Variants in DPP10 observed in about 807,000 individuals in gnomAD.
DPP10 encodes dipeptidyl peptidase like 10, also known as inactive dipeptidyl peptidase 10.
DPP10 carries 33 observed loss-of-function variants against 120.9 expected under a neutral mutation model. That is an observed-to-expected ratio of 0.27 (90% confidence interval 0.21 to 0.37). DPP10 has a LOEUF of 0.37. Ranked by LOEUF, DPP10 falls within the 10% of genes least tolerant of loss-of-function variation. The pLI is 1.00. For missense variants in DPP10, 816 were observed against 942.8 expected (o/e 0.87, Z 1.76); for synonymous variants, 337 against 326.1 (o/e 1.03, Z -0.36).
chr2:114,570,590 C>A (rs1483418410), intron 1 of DPP10, among the ~76,000 whole-genome samples: 9 of 151,816 alleles, frequency 5.9e-5, no homozygotes, highest in Admixed American at 5.9e-4. Flanking sequence ...TGTTGGGAGG[C>A]CAAGGCAGGT....
At position 114,913,854 on chromosome 2, in the gene DPP10, C is replaced by T. The variant is rs755985640; in HGVS notation, c.61-395385C>T. On this transcript the variant is annotated intron_variant, in intron 1 of 25. Transcript: ENST00000410059. ...TGACACAAGCAACACAAGAGCTGAA[C>T]GATGAAATAGCCATTTTAAGAAAGA... 5.3e-5 allele frequency among the ~76,000 whole-genome samples: 8 copies of T among 152,076 alleles called. No individual in the cohort carries two copies. The East Asian group carries it at 5.8e-4, about 11-fold the overall frequency.
rs180994648 is a variant in DPP10 at position 115,014,964 on chromosome 2, C to G, written c.61-294275C>G. On this transcript the variant is annotated intron_variant, in intron 1 of 25. Coordinates refer to ENST00000410059, the MANE Select transcript of DPP10 (RefSeq NM_020868.6). ...CCATTCTTTCTGAAACTCTTCCAAT[C>G]AATAGAAAAAGAGGGAATCGGCCCT... is the stretch of plus-strand genomic sequence containing the variant. Among the ~76,000 whole-genome samples, 149 of 151,606 alleles carry G rather than the reference C, an allele frequency of 9.8e-4. 2 individuals carry two copies. The highest frequency in any genetic ancestry group is 3.5e-3 in the African/African-American group (143 of 41,364).
intron 1 of DPP10, among the ~76,000 whole-genome samples, chr2:115,180,429 A>G (rs1573914693): frequency 1.3e-5 from 2 of 152,194 alleles, no homozygotes. Context: ...ATTTGATTCT[A>G]TCATAAGGAA....
chr2:115,822,662 T>G (rs1440595622), intron 21 of DPP10, among the ~76,000 whole-genome samples: 1 of 151,964 alleles, frequency 6.6e-6, no homozygotes, highest in African/African-American at 2.4e-5. Context: ...TAACCATGTT[T>G]AGGTTGTATT....
chr2:115,464,935 CCTTT>C (rs1354745579), intron 3 of DPP10, among the ~76,000 whole-genome samples: 2 of 152,110 alleles, frequency 1.3e-5, no homozygotes, highest in African/African-American at 2.4e-5. Context: ...CTACCAACGT[CCTTT>C]CTTAAGGTCT....
intron 1 of DPP10, among the ~76,000 whole-genome samples, chr2:115,134,933 C>T (rs1247146588): frequency 6.6e-6 from 1 of 152,010 alleles, no homozygotes. Context: ...GCAGCCTGGA[C>T]AGAGGGAGGG....
chr2:115,794,066 T>G (rs1287685263), intron 19 of DPP10, among the ~76,000 whole-genome samples: 3 of 152,194 alleles, frequency 2.0e-5, no homozygotes, highest in Non-Finnish European at 4.4e-5. Context: ...CTTCCCATTC[T>G]AAAAGTAATA....
At chr2:114,823,372 C>T (rs1437001125) in intron 1 of DPP10, among the ~76,000 whole-genome samples, 1 of 152,044 alleles carries the variant, frequency 6.6e-6, no homozygotes, top group African/African-American at 2.4e-5. Flanking sequence ...CACGAAGTCC[C>T]TCAAGCAAAA....
chr2:114,510,706 C>T (rs556372084), intron 1 of DPP10, among the ~76,000 whole-genome samples: 1 of 152,312 alleles, frequency 6.6e-6, no homozygotes, highest in African/African-American at 2.4e-5. Context: ...CAATAAATGT[C>T]AGGTTTCCTA....
chr2:115,139,928 G>A (rs2050837860), intron 1 of DPP10, among the ~76,000 whole-genome samples: 1 of 151,928 alleles, frequency 6.6e-6, no homozygotes, highest in African/African-American at 2.4e-5. Context: ...GAATCCTATG[G>A]GAGAGGGCAT....
At chr2:114,581,562 G>A (rs1690530549) in intron 1 of DPP10, among the ~76,000 whole-genome samples, 1 of 152,144 alleles carries the variant, frequency 6.6e-6, no homozygotes, top group Non-Finnish European at 1.5e-5. Context: ...CTAACCTGCT[G>A]TGGAAGAAGC....
chr2:115,634,753 A>G (rs1045637406), intron 5 of DPP10, among the ~76,000 whole-genome samples: 3 of 152,190 alleles, frequency 2.0e-5, no homozygotes, highest in Non-Finnish European at 4.4e-5. Flanking sequence ...GAGGAGGTGC[A>G]CTGTGCTGGG....
Position 115,842,295 on chromosome 2 carries a change from T to G in DPP10, c.2341T>G (p.Leu781Val). ...STILKFFSDC[L>V]KEEISVLPQE... ...AATCCTCAAATTCTTCAGTGATTGT[T>G]TGAAGGAAGAAATATCTGTGCTACC... The change falls in exon 26 of 26, where the codon TTG becomes GTG. Residue 781 changes from leucine to valine, a missense_variant. This residue lies in a region of DPP10 where 592 missense variants were observed against 649.0 expected (regional missense o/e 0.91). Transcript: ENST00000410059. 1 of 1,613,938 alleles carries G rather than the reference T, an allele frequency of 6.2e-7. No homozygotes were observed. The highest frequency in any genetic ancestry group is 8.5e-7 in the Non-Finnish European group (1 of 1,179,898).
At chr2:115,310,550 AAGG>A in intron 2 of DPP10, among the ~76,000 whole-genome samples, 1 of 152,188 alleles carries the variant, frequency 6.6e-6, no homozygotes, top group Non-Finnish European at 1.5e-5. Context: ...ACTAGGGAGG[AAGG>A]AGGAGAGAAA....
chr2:115,031,425 G>C (rs1703833903), intron 1 of DPP10, among the ~76,000 whole-genome samples: 1 of 152,108 alleles, frequency 6.6e-6, no homozygotes, highest in Non-Finnish European at 1.5e-5. Flanking sequence ...AATCAGGATG[G>C]ATTTGCAATC....
In DPP10 at chr2:115,736,192, G is replaced by T. The variant is rs78029871; in HGVS notation, c.698-3547G>T. Among the ~76,000 whole-genome samples, 1,334 of 152,204 alleles carry T rather than the reference G, an allele frequency of 8.8e-3. 24 individuals are homozygous for T. The highest frequency in any genetic ancestry group is 0.031 in the African/African-American group (1,284 of 41,526). On this transcript the variant is annotated intron_variant, in intron 8 of 25. Transcript: ENST00000410059. ...ATTATGGGAATAAGAAGCAAATTGT[G>T]TTCTGTGGGTTATTGCTGTGATAAT...
At chr2:114,723,410 C>A (rs548164960) in intron 1 of DPP10, among the ~76,000 whole-genome samples, 1 of 152,152 alleles carries the variant, frequency 6.6e-6, no homozygotes, top group African/African-American at 2.4e-5. Context: ...ACAACAGTTC[C>A]AAAGACAAAC....
chr2:115,664,658 C>A (rs181898907), intron 5 of DPP10, among the ~76,000 whole-genome samples: 24 of 152,316 alleles, frequency 1.6e-4, no homozygotes, highest in Non-Finnish European at 1.6e-4. Flanking sequence ...TATTTAGCTG[C>A]TGAGCTCACC....
At chr2:114,692,104 G>T (rs996107438) in intron 1 of DPP10, among the ~76,000 whole-genome samples, 4 of 151,880 alleles carry the variant, frequency 2.6e-5, no homozygotes, top group Non-Finnish European at 5.9e-5. Flanking sequence ...TTTGATCTTG[G>T]TTATTTCTTG....
Sources: gnomAD v4.1 joint callset for allele counts (sites outside exome capture counted in the v4.1 genomes callset) on GRCh38, gnomAD v4.1.1 for gene constraint, gnomAD v4.1.1 regional missense constraint, MANE v1.5 for transcripts, NCBI Gene and HGNC (gene_info 2026-07-23, HGNC 2026-07-21) for gene names.